ESYT1: variants seen among roughly 807,000 people sequenced by gnomAD.
ESYT1 encodes extended synaptotagmin-1.
In ESYT1, 116 loss-of-function variants were observed where a neutral mutation model predicts 154.2. The observed-to-expected ratio is 0.75, with a 90% confidence interval of 0.65 to 0.88. ESYT1 has a LOEUF of 0.88. ESYT1 is among the 40% of genes least tolerant of loss of function. The pLI is 0.00. For missense variants in ESYT1, 1,264 were observed against 1,379.3 expected, an observed-to-expected ratio of 0.92 and a Z score of 1.32; for synonymous variants, 500 against 539.9, an observed-to-expected ratio of 0.93 and a Z score of 1.02.
In ESYT1 at chr12:56,134,325, C is replaced by T. The variant is rs772091668; in HGVS notation, c.1546-17C>T. On this transcript the variant is annotated splice_polypyrimidine_tract_variant and intron_variant, in intron 14 of 30. Coordinates refer to ENST00000394048, the MANE Select transcript of ESYT1 (RefSeq NM_015292.3). ...GTGCTGTGGTATACACCCTTAATCC[C>T]TCCTCTACATCTCCAGGCTGTCTAC... 18 of 1,612,854 alleles carry T rather than the reference C, an allele frequency of 1.1e-5. No homozygotes were observed. Among genetic ancestry groups the T allele is most frequent in the Non-Finnish European group, 1.5e-5 (18 of 1,178,980 alleles).
At position 56,138,787 on chromosome 12, in the gene ESYT1, A is replaced by T; in HGVS notation, c.2453A>T (p.His818Leu). The part of the protein sequence containing the change: ...EDLPLRKGTK[H>L]LSPYATLTVG... The stretch of plus-strand genomic sequence containing the variant: ...TTCTAGCTGCGAAAAGGCACCAAGC[A>T]CCTCAGCCCTTATGCTACTCTCACT... Residue 818 changes from histidine to leucine, a missense_variant, in exon 23 of 31, where the codon CAC (histidine) becomes CTC (leucine). By Grantham distance (99) the His-to-Leu change is moderately conservative. Transcript: ENST00000394048. 6.2e-7 allele frequency: 1 copy of T among 1,614,226 alleles called. No homozygotes were observed. The highest frequency in any genetic ancestry group is 8.5e-7 in the Non-Finnish European group (1 of 1,180,034).
At chr12:56,137,130 A>G in intron 16 of ESYT1, 88 bp from the exon 17 acceptor site, 1 of 1,529,408 alleles carries the variant, frequency 6.5e-7, no homozygotes, top group African/African-American at 1.4e-5. Context: ...TTCCCCTGTC[A>G]CAGCCCCTCC....
chr12:56,130,386 C>T (rs965576003), intron 1 of ESYT1, 196 bp from the exon 2 acceptor site: 6 of 652,342 alleles, frequency 9.2e-6, no homozygotes, highest in Admixed American at 2.3e-5. Context: ...ACCTTGTCAG[C>T]TCCCCTTATT....
chr12:56,141,109 T>C (rs1870667933), intron 24 of ESYT1, among the ~76,000 whole-genome samples: 1 of 152,158 alleles, frequency 6.6e-6, no homozygotes, highest in African/African-American at 2.4e-5. Context: ...GTGAGATCTC[T>C]TAGGCAGCGT....
In ESYT1 at chr12:56,131,265, T is replaced by G; in HGVS notation, c.663T>G (p.Ile221Met). Residue 221 changes from isoleucine (I) to methionine (M), a missense_variant, in exon 5 of 31, where the codon ATT (isoleucine) becomes ATG (methionine). Physicochemically the swap from Ile to Met is conservative, Grantham distance 10 (BLOSUM62 1). Transcript: ENST00000394048. Reference protein sequence around the residue: ...LNISYVGDVQIDVEVKKYFCK... With the variant: ...LNISYVGDVQMDVEVKKYFCK... ...CCAGCTATGTAGGTGATGTGCAGAT[T>G]GATGTGGAAGTGAAGAAATATTTTT... 3.7e-6 allele frequency: 6 copies of G among 1,614,104 alleles called. No homozygotes were observed. The highest frequency in any genetic ancestry group is 5.1e-6 in the Non-Finnish European group (6 of 1,180,008).
At chr12:56,140,319 C>G (rs1565876425) in intron 24 of ESYT1, among the ~76,000 whole-genome samples, 1 of 151,988 alleles carries the variant, frequency 6.6e-6, no homozygotes, top group Non-Finnish European at 1.5e-5. Context: ...GAATAGTATG[C>G]TAGAAATATG....
chr12:56,130,571 C>T lies in ESYT1; in HGVS notation c.391-11C>T. 6.2e-7 allele frequency: 1 copy of T among 1,613,634 alleles called. No homozygotes were observed. Among genetic ancestry groups the T allele is most frequent in the Non-Finnish European group, 8.5e-7 (1 of 1,180,046 alleles). On this transcript the variant is annotated splice_polypyrimidine_tract_variant and intron_variant, in intron 1 of 30. Transcript: ENST00000394048. Reference sequence around the variant, plus strand: ...GCTGCACGTCACTGTCTCTGCCTTCCCCACCTCCAGGTCAGCTTCCCAGAC... The same window carrying T: ...GCTGCACGTCACTGTCTCTGCCTTCTCCACCTCCAGGTCAGCTTCCCAGAC...
chr12:56,136,533 G>T (rs955756297), intron 15 of ESYT1, among the ~76,000 whole-genome samples: 1 of 150,642 alleles, frequency 6.6e-6, no homozygotes, highest in Non-Finnish European at 1.5e-5. Context: ...CGAAGTTGCA[G>T]TGAGCCAAGA....
rs751953622 is a variant in ESYT1, at chr12:56,138,980, C to A, written c.2559C>A (p.Ile853=). The part of the protein sequence containing the change: ...PVWDESASFL[I]RKPHTESLEL... ...GGGATGAGAGTGCCTCCTTTCTCATCAGGAAACCACACACTGAGAGCCTAG... is the reference window on the plus strand; with the variant it reads ...GGGATGAGAGTGCCTCCTTTCTCATAAGGAAACCACACACTGAGAGCCTAG... The change falls in exon 24 of 31, where the codon ATC becomes ATA. Residue 853 remains isoleucine, a synonymous_variant. Coordinates refer to ENST00000394048, the MANE Select transcript of ESYT1 (RefSeq NM_015292.3). 1 of 1,614,004 alleles carries A rather than the reference C, an allele frequency of 6.2e-7. No individual in the cohort carries two copies. The highest frequency in any genetic ancestry group is 1.3e-5 in the African/African-American group (1 of 74,916).
intron 7 of ESYT1, among the ~76,000 whole-genome samples, 164 bp downstream of exon 7, chr12:56,131,968 T>C (rs1565873089): frequency 6.6e-6 from 1 of 152,142 alleles, no homozygotes; most frequent in East Asian, 1.9e-4. Context: ...TGATTTTTCT[T>C]TGGGTTGGGG....
rs760082019 is a variant in ESYT1, at chr12:56,143,265, C to T, written c.3157C>T (p.Arg1053Ter). 12 of 1,614,040 alleles carry T rather than the reference C, an allele frequency of 7.4e-6. No homozygotes were observed. Among genetic ancestry groups the T allele is most frequent in the East Asian group, 4.5e-5 (2 of 44,898 alleles). ...ACTCCCCCTGGATGAGGCCCAGAGA[C>T]GAAAGCTGGATGTCTCTGTCAAGTC... Reference protein sequence around the residue: ...WELPLDEAQRRKLDVSVKSNS... With the variant: ...WELPLDEAQR Residue 1053 changes from arginine to a stop codon, truncating the protein, a stop_gained, in exon 29 of 31, where the codon CGA becomes TGA. Coordinates refer to ENST00000394048, the MANE Select transcript of ESYT1 (RefSeq NM_015292.3). LOFTEE classifies it high-confidence loss of function.
chr12:56,130,110 A>G (rs1329262709), intron 1 of ESYT1, among the ~76,000 whole-genome samples: 2 of 152,102 alleles, frequency 1.3e-5, no homozygotes, highest in Non-Finnish European at 1.5e-5. Flanking sequence ...ACAGGGTTTC[A>G]CCATGCTGGT....
rs370486097 is a variant in ESYT1 at position 56,137,377 on chromosome 12, A to G, written c.1938+4A>G. ...TGATAGCCAGTTTGGGACTGAGGTG[A>G]GTCTATATCTGGAAAGGACTAGGGT... On this transcript the variant is annotated splice_donor_region_variant and intron_variant, in intron 17 of 30. Coordinates refer to ENST00000394048, the MANE Select transcript of ESYT1 (RefSeq NM_015292.3). 3.7e-6 allele frequency: 6 copies of G among 1,614,018 alleles called. No homozygotes were observed. In the African/African-American group the frequency reaches 8.0e-5, roughly 22 times the overall value.
At position 56,132,546 on chromosome 12, in the gene ESYT1, C is replaced by T; in HGVS notation, c.1110C>T (p.Cys370=). 1 of 1,614,200 alleles carries T rather than the reference C, an allele frequency of 6.2e-7. No individual in the cohort carries two copies. The highest frequency in any genetic ancestry group is 8.5e-7 in the Non-Finnish European group (1 of 1,180,038). ...TGCGTTTGGGTACCCAGACATTCTG[C>T]AGTCGTGTCATTGATGAAGAACTCA... is the stretch of plus-strand genomic sequence containing the variant. The part of the protein sequence containing the change: ...ALVRLGTQTF[C]SRVIDEELNP... Residue 370 remains cysteine (C), a synonymous_variant, in exon 9 of 31, where the codon TGC becomes TGT. Transcript: ENST00000394048.
chr12:56,143,793 C>T, intron 30 of ESYT1, 30 bp from the exon 31 acceptor site: 1 of 1,614,056 alleles, frequency 6.2e-7, no homozygotes, highest in East Asian at 2.2e-5. Context: ...ACACAAGAGT[C>T]ATCTTTCTAC....
chr12:56,143,674 G>C (rs373159607), intron 30 of ESYT1, 45 bp downstream of exon 30: 3 of 1,613,056 alleles, frequency 1.9e-6, no homozygotes, highest in Admixed American at 1.7e-5. Context: ...ATTTCAGTGG[G>C]AGAAATTCCA....
chr12:56,144,034 T>A lies in ESYT1; in HGVS notation c.*172T>A. ...TTTGCCTGACCAAAGAGAAGAACCG[T>A]ATGTTCCCTTTACTGCACGGCCTTT... On this transcript the variant is annotated 3_prime_UTR_variant, in exon 31 of 31. Transcript: ENST00000394048. 6.8e-7 allele frequency: 1 copy of A among 1,472,086 alleles called. No individual in the cohort carries two copies. Among genetic ancestry groups the A allele is most frequent in the Non-Finnish European group, 9.0e-7 (1 of 1,116,984 alleles). The allele number at this position is 1,472,086 out of a possible 1,614,324, so 91.2% of individuals were successfully genotyped here.
intron 1 of ESYT1, chr12:56,129,306 G>A (rs969581979): frequency 1.9e-5 from 3 of 160,602 alleles, no homozygotes; most frequent in African/African-American, 7.2e-5. Flanking sequence ...GGAGGGCTAC[G>A]GGAGGAGGTG....
chr12:56,130,981 A>G (rs1220121126), intron 3 of ESYT1, 56 bp downstream of exon 3: 10 of 1,614,004 alleles, frequency 6.2e-6, no homozygotes, highest in Non-Finnish European at 8.5e-6. Flanking sequence ...AGTGGCCCGG[A>G]GTAGACTCAG....
Sources: gnomAD v4.1 joint callset for allele counts (sites outside exome capture counted in the v4.1 genomes callset) on GRCh38, gnomAD v4.1.1 for gene constraint, MANE v1.5 for transcripts, NCBI Gene and HGNC (gene_info 2026-07-23, HGNC 2026-07-21) for gene names.